RANBP17: variants seen among roughly 807,000 people sequenced by gnomAD.
The protein encoded by RANBP17 is RAN binding protein 17.
In RANBP17, 158 loss-of-function variants were observed where a neutral mutation model predicts 141.2. The observed-to-expected ratio is 1.12, with a 90% CI of 0.98 to 1.28. RANBP17 has a LOEUF of 1.28. Among genes scored for constraint, RANBP17 ranks in the 50% most tolerant of loss-of-function variants. The pLI is 0.00. For synonymous variants in RANBP17, 430 were observed against 450.0 expected (o/e 0.96, Z 0.56); for missense variants, 1,438 against 1,290.7 (o/e 1.11, Z -1.75).
At position 171,277,938 on chromosome 5, in the gene RANBP17, C is replaced by CTTTTTTTTTTT. The variant is rs140208253; in HGVS notation, c.2943+12112_2943+12122dup. ...CAGTCCTTGAGCCTAGGACTTCTTT[C>CTTTTTTTTTTT]TTTTTTTTTTTTTTTTTTTTTTTTT... On this transcript the variant is annotated intron_variant, in intron 25 of 27. Coordinates refer to ENST00000523189, the MANE Select transcript of RANBP17 (RefSeq NM_022897.5). Among the ~76,000 whole-genome samples the CTTTTTTTTTTT allele has an allele frequency of 1.4e-4, 10 of 72,266 alleles. 1 individual carries two copies. The highest frequency in any genetic ancestry group is 2.5e-4 in the Admixed American group (1 of 4,080). 47.4% of individuals were successfully genotyped at this position (72,266 alleles called of 152,430 possible). A position where few individuals can be genotyped will look rare whatever the true frequency, so the allele number is the denominator to read the frequency against.
At chr5:171,289,496 G>A (rs776536006) in intron 25 of RANBP17, among the ~76,000 whole-genome samples, 2 of 152,166 alleles carry the variant, frequency 1.3e-5, no homozygotes, top group Non-Finnish European at 1.5e-5. Context: ...CCAGCACTTC[G>A]GGAGGCTGAG....
intron 25 of RANBP17, among the ~76,000 whole-genome samples, chr5:171,286,627 T>C (rs768281835): frequency 3.3e-5 from 5 of 152,210 alleles, no homozygotes; most frequent in African/African-American, 9.6e-5. Flanking sequence ...TAATATCACA[T>C]AGGCGAATAG....
At chr5:171,251,081 A>C (rs1468414106) in intron 24 of RANBP17, among the ~76,000 whole-genome samples, 1 of 152,150 alleles carries the variant, frequency 6.6e-6, no homozygotes, top group Non-Finnish European at 1.5e-5. Context: ...AAGCCACAAA[A>C]CAGGTCTCAA....
rs532358655 is a variant in RANBP17 at position 171,026,165 on chromosome 5, G to A, written c.1710+57788G>A. On this transcript the variant is annotated intron_variant, in intron 14 of 27. Coordinates refer to ENST00000523189, the MANE Select transcript of RANBP17 (RefSeq NM_022897.5). The stretch of plus-strand genomic sequence containing the variant: ...TTTTAAATTGCTTGGGAGAAATTTG[G>A]TAAAGAATAATTGTAATAGCTGCCA... Among the ~76,000 whole-genome samples, 26 of 152,234 alleles carry A rather than the reference G, an allele frequency of 1.7e-4. 1 individual carries two copies. In the South Asian group the frequency reaches 5.2e-3, roughly 30 times the overall value.
At chr5:171,296,076 ACTCT>A (rs1768799190) in intron 27 of RANBP17, 62 bp downstream of exon 27, 2 of 1,546,108 alleles carry the variant, frequency 1.3e-6, no homozygotes, top group East Asian at 2.3e-5. Flanking sequence ...GTTGAAAATA[ACTCT>A]CTCGTGCTTG....
chr5:171,150,833 C>G (rs996090317), intron 14 of RANBP17, among the ~76,000 whole-genome samples: 1 of 152,196 alleles, frequency 6.6e-6, no homozygotes, highest in East Asian at 1.9e-4. Context: ...AGTGAACACA[C>G]TTCATTTGGT....
At chr5:171,218,023 A>G (rs1763324425) in intron 21 of RANBP17, among the ~76,000 whole-genome samples, 1 of 152,184 alleles carries the variant, frequency 6.6e-6, no homozygotes, top group Non-Finnish European at 1.5e-5. Context: ...TCTTGTGGGC[A>G]TTTAGTGCTA....
At position 170,956,387 on chromosome 5, in the gene RANBP17, A is replaced by G. The variant is rs1775695893; in HGVS notation, c.1574+2685A>G. On this transcript the variant is annotated intron_variant, in intron 13 of 27. Coordinates refer to ENST00000523189, the MANE Select transcript of RANBP17 (RefSeq NM_022897.5). ...TTTCATTTTGTTCCATTTCCTTTTC[A>G]ACCTTTAAACTATTTCTTCAATAAA... 2.6e-5 allele frequency among the ~76,000 whole-genome samples: 4 copies of G among 152,114 alleles called. No homozygotes were observed. In the South Asian group the frequency reaches 8.3e-4, roughly 32 times the overall value.
intron 14 of RANBP17, among the ~76,000 whole-genome samples, chr5:171,095,105 A>G (rs1786589590): frequency 6.6e-6 from 1 of 152,170 alleles, no homozygotes; most frequent in Non-Finnish European, 1.5e-5. Flanking sequence ...CTGTGAGCCA[A>G]ATAAATTTCT....
intron 14 of RANBP17, among the ~76,000 whole-genome samples, chr5:170,985,246 C>G (rs927666532): frequency 6.6e-6 from 1 of 152,228 alleles, no homozygotes; most frequent in African/African-American, 2.4e-5. Flanking sequence ...TTCAAGCTTA[C>G]CCTACCATAA....
intron 8 of RANBP17, among the ~76,000 whole-genome samples, chr5:170,915,143 T>A (rs977550910): frequency 1.3e-5 from 2 of 152,148 alleles, no homozygotes; most frequent in Admixed American, 6.6e-5. Context: ...CTTTTAGTTG[T>A]GTAAAAACCA....
chr5:171,064,261 C>T (rs964701414), intron 14 of RANBP17, among the ~76,000 whole-genome samples: 5 of 152,232 alleles, frequency 3.3e-5, no homozygotes, highest in Admixed American at 6.5e-5. Context: ...GCGTCACTCA[C>T]GCTGGGAGCT....
At chr5:171,274,909 G>C (rs917067422) in intron 25 of RANBP17, among the ~76,000 whole-genome samples, 4 of 152,114 alleles carry the variant, frequency 2.6e-5, no homozygotes, top group Non-Finnish European at 5.9e-5. Flanking sequence ...TTCTAAACAT[G>C]GGTGAAGAAA....
At chr5:171,110,700 AG>A (rs1490107988) in intron 14 of RANBP17, among the ~76,000 whole-genome samples, 1 of 152,142 alleles carries the variant, frequency 6.6e-6, no homozygotes, top group African/African-American at 2.4e-5. Flanking sequence ...GTTATATACT[AG>A]GTTAGATATA....
chr5:171,128,712 A>G (rs1395251755), intron 14 of RANBP17, among the ~76,000 whole-genome samples: 1 of 152,194 alleles, frequency 6.6e-6, no homozygotes, highest in East Asian at 1.9e-4. Context: ...TGGATATCCT[A>G]AACATCTTGA....
intron 14 of RANBP17, among the ~76,000 whole-genome samples, chr5:171,109,301 G>A (rs760223079): frequency 5.3e-5 from 8 of 152,130 alleles, no homozygotes; most frequent in Non-Finnish European, 1.0e-4. Flanking sequence ...AAACTAAGCA[G>A]CTGTTTGTTT....
At chr5:171,114,201 A>G (rs977888100) in intron 14 of RANBP17, among the ~76,000 whole-genome samples, 4 of 152,142 alleles carry the variant, frequency 2.6e-5, no homozygotes, top group Non-Finnish European at 4.4e-5. Context: ...CTGCTACTCT[A>G]CAGTGTTAGA....
chr5:170,937,756 A>G lies in RANBP17; in HGVS notation c.1468+13206A>G, dbSNP rs548642895. Among the ~76,000 whole-genome samples, 50 of 152,232 alleles carry G rather than the reference A, an allele frequency of 3.3e-4. 1 individual carries two copies. In the South Asian group the frequency reaches 1.0e-2, roughly 30 times the overall value. ...ACACATGACAATCTTTTGTCATTTCAGATTTGTGTTCTGTGTGCAGACATT... is the reference window on the plus strand; with the variant it reads ...ACACATGACAATCTTTTGTCATTTCGGATTTGTGTTCTGTGTGCAGACATT... On this transcript the variant is annotated intron_variant, in intron 12 of 27. Coordinates refer to ENST00000523189, the MANE Select transcript of RANBP17 (RefSeq NM_022897.5).
chr5:170,924,746 CTA>C, intron 12 of RANBP17, 196 bp downstream of exon 12: 1 of 432,200 alleles, frequency 2.3e-6, no homozygotes, highest in Non-Finnish European at 4.1e-6. Flanking sequence ...CAGTTTTCCT[CTA>C]TAAGATTGAT....
Sources: allele counts gnomAD v4.1 joint callset (sites outside exome capture counted in the v4.1 genomes callset), GRCh38; gene constraint gnomAD v4.1.1; transcripts MANE v1.5; gene names NCBI Gene and HGNC (gene_info 2026-07-23, HGNC 2026-07-21).